ELMO1: variants seen among roughly 807,000 people sequenced by gnomAD.
The protein encoded by ELMO1 is engulfment and cell motility 1.
A neutral mutation model predicts 98.9 loss-of-function variants in ELMO1; 26 were observed. The observed-to-expected ratio is 0.26, with a 90% confidence interval of 0.19 to 0.36. ELMO1 has a LOEUF of 0.36. Ranked by LOEUF, ELMO1 falls within the 10% of genes least tolerant of loss-of-function variation. The pLI is 1.00. For missense variants in ELMO1, 627 were observed against 935.2 expected (o/e 0.67, Z 4.30); for synonymous variants, 346 against 346.0 (o/e 1.00, Z 0.00).
intron 15 of ELMO1, among the ~76,000 whole-genome samples, chr7:37,055,500 T>C (rs1187268104): frequency 6.6e-6 from 1 of 152,126 alleles, no homozygotes; most frequent in Non-Finnish European, 1.5e-5. Flanking sequence ...CCTAACCCCT[T>C]CCACATTCAC....
At chr7:36,942,751 T>C (rs1787152092) in intron 16 of ELMO1, among the ~76,000 whole-genome samples, 1 of 152,204 alleles carries the variant, frequency 6.6e-6, no homozygotes, top group Non-Finnish European at 1.5e-5. Context: ...TGCATGCTAA[T>C]TAGATTTAGT....
At chr7:37,166,070 A>G (rs1202429379) in intron 13 of ELMO1, among the ~76,000 whole-genome samples, 5 of 152,054 alleles carry the variant, frequency 3.3e-5, no homozygotes, top group East Asian at 1.9e-4. Flanking sequence ...GTCTTGGGAG[A>G]GTGTATGTGT....
intron 13 of ELMO1, among the ~76,000 whole-genome samples, chr7:37,164,791 T>C (rs2129644342): frequency 6.7e-6 from 1 of 149,328 alleles, no homozygotes; most frequent in Non-Finnish European, 1.5e-5. Context: ...AGCTTTGTTC[T>C]TTTGGCTCAG....
At chr7:36,859,843 T>C (rs1288703123) in intron 21 of ELMO1, among the ~76,000 whole-genome samples, 1 of 152,152 alleles carries the variant, frequency 6.6e-6, no homozygotes, top group Non-Finnish European at 1.5e-5. Context: ...CATGGATTTT[T>C]TTCTTCAATA....
chr7:36,988,850 C>T (rs1475004058), intron 16 of ELMO1, among the ~76,000 whole-genome samples: 1 of 152,188 alleles, frequency 6.6e-6, no homozygotes, highest in East Asian at 1.9e-4. Flanking sequence ...GAGTCTGGTT[C>T]TTATCCTACA....
At chr7:37,312,656 G>A (rs1340529851) in intron 4 of ELMO1, among the ~76,000 whole-genome samples, 3 of 152,060 alleles carry the variant, frequency 2.0e-5, no homozygotes, top group Non-Finnish European at 4.4e-5. Flanking sequence ...TGTTCTCTAT[G>A]AAGTCTGAGA....
intron 14 of ELMO1, among the ~76,000 whole-genome samples, chr7:37,099,204 C>G (rs1274099742): frequency 6.6e-6 from 1 of 152,196 alleles, no homozygotes; most frequent in African/African-American, 2.4e-5. Context: ...CCGCCGCCTT[C>G]TTGACTGATT....
chr7:37,292,701 T>A (rs1333181639), intron 4 of ELMO1, among the ~76,000 whole-genome samples: 1 of 49,568 alleles, frequency 2.0e-5, no homozygotes, highest in African/African-American at 6.6e-5. Flanking sequence ...GTGAGGAGCG[T>A]CTCCGCCCGG....
chr7:37,325,183 C>T (rs1799734175), intron 2 of ELMO1, among the ~76,000 whole-genome samples: 1 of 152,206 alleles, frequency 6.6e-6, no homozygotes, highest in South Asian at 2.1e-4. Context: ...CTTAAAGTGA[C>T]TCCAGCCCCC....
intron 15 of ELMO1, among the ~76,000 whole-genome samples, chr7:37,054,000 G>A (rs890688790): frequency 1.3e-5 from 2 of 152,210 alleles, no homozygotes; most frequent in East Asian, 3.9e-4. Flanking sequence ...TGTATAGTTT[G>A]CATTCCTTTA....
chr7:37,210,529 CTG>C (rs1334371940), intron 13 of ELMO1, among the ~76,000 whole-genome samples: 1 of 150,410 alleles, frequency 6.6e-6, no homozygotes, highest in African/African-American at 2.4e-5. Context: ...TTGGGTGTGT[CTG>C]TATATATGTA....
intron 16 of ELMO1, among the ~76,000 whole-genome samples, chr7:36,898,133 T>C (rs1806184470): frequency 6.6e-6 from 1 of 152,240 alleles, no homozygotes; most frequent in Admixed American, 6.5e-5. Context: ...CTCTGTGCCT[T>C]TGCAATTTAG....
intron 16 of ELMO1, among the ~76,000 whole-genome samples, chr7:36,974,842 C>T (rs555708014): frequency 2.0e-5 from 3 of 152,112 alleles, no homozygotes; most frequent in Admixed American, 6.5e-5. Flanking sequence ...CTGAAGCCAG[C>T]GAGACCATGA....
At chr7:37,244,838 G>A (rs543097696) in intron 6 of ELMO1, among the ~76,000 whole-genome samples, 49 of 152,160 alleles carry the variant, frequency 3.2e-4, no homozygotes, top group Non-Finnish European at 5.9e-4. Context: ...TCTCTCTCAG[G>A]TGGCTTCTTC....
intron 1 of ELMO1, among the ~76,000 whole-genome samples, chr7:37,343,457 T>C (rs534484994): frequency 9.3e-4 from 140 of 151,118 alleles, no homozygotes; most frequent in Middle Eastern, 6.9e-3. Flanking sequence ...ACCATTATCC[T>C]CTGCTGCCTC....
intron 16 of ELMO1, among the ~76,000 whole-genome samples, chr7:36,976,318 CTT>C (rs142391770): frequency 0.015 from 2,226 of 152,308 alleles, 55 homozygotes; most frequent in African/African-American, 0.051. Context: ...GCTTAAAAGT[CTT>C]TTATTATCAT....
chr7:37,086,764 A>T (rs936459924), intron 15 of ELMO1, among the ~76,000 whole-genome samples: 3 of 128,636 alleles, frequency 2.3e-5, no homozygotes, highest in Non-Finnish European at 5.1e-5. Flanking sequence ...AAAAAAAAAA[A>T]AGAAATCTTT....
intron 16 of ELMO1, among the ~76,000 whole-genome samples, chr7:36,982,598 A>G (rs1454519713): frequency 4.6e-5 from 7 of 152,242 alleles, no homozygotes; most frequent in Non-Finnish European, 1.0e-4. Context: ...ATAATACTAG[A>G]AAGTGCATAA....
intron 14 of ELMO1, 100 bp downstream of exon 14, chr7:37,133,030 A>G: frequency 1.5e-6 from 1 of 689,020 alleles, no homozygotes; most frequent in East Asian, 3.2e-5. Flanking sequence ...GACAGAAAAT[A>G]TGGGGTCACT....
Sources: gnomAD v4.1 joint callset for allele counts (sites outside exome capture counted in the v4.1 genomes callset) on GRCh38, gnomAD v4.1.1 for gene constraint, MANE v1.5 for transcripts, NCBI Gene and HGNC (gene_info 2026-07-23, HGNC 2026-07-21) for gene names.